Variants in SOX5 observed in about 807,000 individuals in gnomAD.
SOX5 encodes the protein SRY-box transcription factor 5, also known as transcription factor SOX-5.
In SOX5, 9 loss-of-function variants were observed where a neutral mutation model predicts 92.0. The ratio of observed to expected loss-of-function variants is 0.10; its 90% CI spans 0.06 to 0.17. SOX5 has a LOEUF of 0.17. Among genes scored for constraint, SOX5 ranks in the 10% least tolerant of loss-of-function variants. The pLI is 1.00. For synonymous variants in SOX5, 344 were observed against 336.3 expected (o/e 1.02, Z -0.25); for missense variants, 642 against 944.5 (o/e 0.68, Z 4.20).
chr12:24,323,199 G>A (rs529917670), intron 2 of SOX5, among the ~76,000 whole-genome samples: 2 of 151,790 alleles, frequency 1.3e-5, no homozygotes, highest in Admixed American at 6.6e-5. Flanking sequence ...TTGTGGTAAG[G>A]CAATGTAATA....
chr12:24,529,650 T>C (rs1372278830), intron 1 of SOX5, among the ~76,000 whole-genome samples: 1 of 152,118 alleles, frequency 6.6e-6, no homozygotes. Context: ...AGAACCAAAA[T>C]GAACAAAATG....
intron 2 of SOX5, among the ~76,000 whole-genome samples, chr12:24,322,130 T>G (rs1373127872): frequency 6.6e-6 from 1 of 152,148 alleles, no homozygotes; most frequent in Non-Finnish European, 1.5e-5. Context: ...AATTCATCGT[T>G]CAATTTCTAA....
At chr12:23,615,346 T>C (rs2076428556) in intron 8 of SOX5, among the ~76,000 whole-genome samples, 1 of 152,188 alleles carries the variant, frequency 6.6e-6, no homozygotes, top group Admixed American at 6.5e-5. Context: ...TTTTGTTTTA[T>C]TTTAAATTTT....
rs993620420 is a variant in SOX5, at chr12:24,393,109, A to G, written c.-250-24470T>C. 1.3e-5 allele frequency among the ~76,000 whole-genome samples: 2 copies of G among 152,192 alleles called. No individual in the cohort carries two copies. The highest frequency in any genetic ancestry group is 4.8e-5 in the African/African-American group (2 of 41,424). ...TCTCAACCACCACTCTCCCAATTATAATAAATGAATAAAGTAGATTGAAGC... is the reference window on the plus strand; with the variant it reads ...TCTCAACCACCACTCTCCCAATTATGATAAATGAATAAAGTAGATTGAAGC... On this transcript the variant is annotated intron_variant, in intron 1 of 4. Transcript: ENST00000446891. This position sits in a 1 kb window ranked among gnomAD's most constrained non-coding sequence, Gnocchi z 5.0.
At chr12:24,068,747 T>TATATATATATAC (rs1405470591) in intron 4 of SOX5, among the ~76,000 whole-genome samples, 7 of 71,586 alleles carry the variant, frequency 9.8e-5, no homozygotes, top group Non-Finnish European at 1.6e-4. Context: ...TATATATATA[T>TATATATATATAC]ACACACACAC....
chr12:23,818,034 T>C (rs2096030201), intron 3 of SOX5, among the ~76,000 whole-genome samples: 1 of 152,330 alleles, frequency 6.6e-6, no homozygotes, highest in South Asian at 2.1e-4. Flanking sequence ...AGAGAGATTT[T>C]ATACAAGTTG....
At chr12:24,205,309 T>C (rs1957913905) in intron 4 of SOX5, among the ~76,000 whole-genome samples, 1 of 152,200 alleles carries the variant, frequency 6.6e-6, no homozygotes, top group Admixed American at 6.5e-5. Flanking sequence ...GATAAAATTT[T>C]GTTAATAGCT....
chr12:23,976,313 C>A (rs1295541078), intron 4 of SOX5, among the ~76,000 whole-genome samples: 3 of 148,378 alleles, frequency 2.0e-5, no homozygotes, highest in Non-Finnish European at 4.4e-5. Flanking sequence ...GATGTGCAGT[C>A]CCGTAAAAGA....
At chr12:23,694,635 A>G (rs2089489026) in intron 6 of SOX5, among the ~76,000 whole-genome samples, 1 of 152,202 alleles carries the variant, frequency 6.6e-6, no homozygotes, top group Non-Finnish European at 1.5e-5. Context: ...CAACAACACA[A>G]TCACAACATA....
chr12:24,534,189 G>A (rs1951432430), intron 1 of SOX5, among the ~76,000 whole-genome samples: 1 of 151,656 alleles, frequency 6.6e-6, no homozygotes, highest in African/African-American at 2.4e-5. Flanking sequence ...TGCAGTTTTT[G>A]AAAATTATCC....
At chr12:24,370,280 C>T (rs923627925) in intron 1 of SOX5, among the ~76,000 whole-genome samples, 1 of 151,794 alleles carries the variant, frequency 6.6e-6, no homozygotes. Flanking sequence ...GGAGACCATC[C>T]TGGCTAACAC....
At chr12:24,330,633 A>T (rs999012446) in intron 2 of SOX5, among the ~76,000 whole-genome samples, 1 of 152,262 alleles carries the variant, frequency 6.6e-6, no homozygotes, top group Non-Finnish European at 1.5e-5. Context: ...CGAAAGTTTC[A>T]TGAGGGCAAG....
intron 1 of SOX5, among the ~76,000 whole-genome samples, chr12:24,502,796 G>A (rs988699042): frequency 2.0e-5 from 3 of 152,186 alleles, no homozygotes; most frequent in Non-Finnish European, 2.9e-5. Context: ...CATTACCAGT[G>A]GTAAAACGAA....
At chr12:23,606,076 AT>A (rs1241649510) in intron 8 of SOX5, among the ~76,000 whole-genome samples, 1 of 152,002 alleles carries the variant, frequency 6.6e-6, no homozygotes, top group African/African-American at 2.4e-5. Flanking sequence ...AAGAAAAATG[AT>A]CAGAATTGAT....
At chr12:24,208,735 A>G (rs1735453401) in intron 4 of SOX5, among the ~76,000 whole-genome samples, 1 of 152,240 alleles carries the variant, frequency 6.6e-6, no homozygotes, top group Non-Finnish European at 1.5e-5. Context: ...CACTTTAAAT[A>G]GTGTGTTAGG....
intron 6 of SOX5, among the ~76,000 whole-genome samples, chr12:23,686,469 ATAG>A (rs2087608408): frequency 2.0e-5 from 3 of 152,208 alleles, no homozygotes; most frequent in Admixed American, 6.5e-5. Flanking sequence ...ACTGAAACAA[ATAG>A]TAGAACTACC....
chr12:23,808,754 C>T (rs564287990), intron 3 of SOX5, among the ~76,000 whole-genome samples: 1 of 152,174 alleles, frequency 6.6e-6, no homozygotes, highest in Admixed American at 6.5e-5. Context: ...ATAACCTTAG[C>T]CAGTCCCCTG....
At chr12:23,662,214 T>G (rs1203627772) in intron 7 of SOX5, among the ~76,000 whole-genome samples, 1 of 152,074 alleles carries the variant, frequency 6.6e-6, no homozygotes, top group African/African-American at 2.4e-5. Flanking sequence ...CACACATCAT[T>G]TTCACCTCCT....
intron 6 of SOX5, among the ~76,000 whole-genome samples, chr12:23,697,293 GC>G (rs1427873714): frequency 1.3e-5 from 2 of 152,136 alleles, no homozygotes; most frequent in Admixed American, 6.5e-5. Context: ...TTGATGAACT[GC>G]CCAAGTTAAA....
Sources: gnomAD v4.1 joint callset for allele counts (sites outside exome capture counted in the v4.1 genomes callset) on GRCh38, gnomAD v4.1.1 for gene constraint, Gnocchi (gnomAD v3.1) non-coding constraint, MANE v1.5 for transcripts, NCBI Gene and HGNC (gene_info 2026-07-23, HGNC 2026-07-21) for gene names.